Variants in TASP1 observed in about 807,000 individuals in gnomAD.
TASP1 encodes the protein taspase 1, also known as threonine aspartase 1.
In TASP1, 16 loss-of-function variants were observed where a neutral mutation model predicts 56.6. The ratio of observed to expected loss-of-function variants is 0.28; its 90% CI spans 0.19 to 0.43. The LOEUF is 0.43. Among genes scored for constraint, TASP1 ranks in the 20% least tolerant of loss-of-function variants. The probability of loss-of-function intolerance (pLI) is 1.00; values close to 1 mark genes in which losing one functional copy is unlikely to be tolerated. For missense variants in TASP1, 393 were observed against 511.6 expected (o/e 0.77, Z 2.24); for synonymous variants, 179 against 184.2 (o/e 0.97, Z 0.23).
chr20:13,279,859 G>A, the TASP1 span: 1 of 1,613,942 alleles, frequency 6.2e-7, no homozygotes, highest in South Asian at 1.1e-5. Flanking sequence ...TACAGCCCCA[G>A]GCCACCGGAC....
chr20:13,538,770 G>A (rs192082373), intron 8 of TASP1, among the ~76,000 whole-genome samples: 68 of 152,166 alleles, frequency 4.5e-4, no homozygotes, highest in African/African-American at 1.5e-3. Flanking sequence ...AGGCCGGGCT[G>A]GGTGGCTCAC....
chr20:13,562,891 T>A (rs1568585897), intron 7 of TASP1, among the ~76,000 whole-genome samples: 1 of 141,866 alleles, frequency 7.0e-6, no homozygotes, highest in Non-Finnish European at 1.5e-5. Context: ...AAAAAAAAAA[T>A]TATATCTCTA....
the TASP1 span, among the ~76,000 whole-genome samples, chr20:13,214,341 TC>T: frequency 6.6e-6 from 1 of 152,154 alleles, no homozygotes; most frequent in Non-Finnish European, 1.5e-5. Context: ...TTCTCTGGTT[TC>T]AGCTGTGTTC....
intron 12 of TASP1, among the ~76,000 whole-genome samples, chr20:13,428,039 C>T (rs1437701108): frequency 6.6e-6 from 1 of 152,166 alleles, no homozygotes; most frequent in East Asian, 1.9e-4. Flanking sequence ...CCAACACAAG[C>T]TTGGCACAAA....
chr20:13,178,069 A>C, the TASP1 span, among the ~76,000 whole-genome samples: 2 of 152,104 alleles, frequency 1.3e-5, no homozygotes, highest in Non-Finnish European at 2.9e-5. Context: ...ACAACAACAA[A>C]AACAATGTAA....
rs914701165 is a variant in TASP1 at position 13,389,921 on chromosome 20, A to C, written c.*439T>G. The C allele has an allele frequency of 6.1e-6, 1 of 163,868 alleles. No individual in the cohort carries two copies. The highest frequency in any genetic ancestry group is 1.3e-5 in the Non-Finnish European group (1 of 74,548). The allele number at this position is 163,868 out of a possible 1,614,324, so 10.2% of individuals were successfully genotyped here. ...AGCACTACCACTGTCAAGTCATTTA[A>C]ACAAGTAGATTTACTCTTCAGTTCT... On this transcript the variant is annotated 3_prime_UTR_variant, in exon 14 of 14. Coordinates refer to ENST00000337743, the MANE Select transcript of TASP1 (RefSeq NM_017714.3).
the TASP1 span, among the ~76,000 whole-genome samples, chr20:13,370,810 T>C: frequency 6.6e-6 from 1 of 152,186 alleles, no homozygotes; most frequent in African/African-American, 2.4e-5. Context: ...GCTTTCTTCC[T>C]GGGAGATTTT....
the TASP1 span, among the ~76,000 whole-genome samples, chr20:13,177,022 T>C: frequency 1.3e-5 from 2 of 152,070 alleles, no homozygotes; most frequent in African/African-American, 2.4e-5. Flanking sequence ...GGTGAATCAC[T>C]TGAGGTCAGG....
the TASP1 span, among the ~76,000 whole-genome samples, chr20:13,319,809 T>A: frequency 6.6e-6 from 1 of 152,208 alleles, no homozygotes; most frequent in Admixed American, 6.5e-5. Context: ...TCCCTGGGCC[T>A]GCAGCAGCAT....
At chr20:13,373,044 G>C in the TASP1 span, among the ~76,000 whole-genome samples, 1 of 151,996 alleles carries the variant, frequency 6.6e-6, no homozygotes, top group African/African-American at 2.4e-5. Flanking sequence ...AGATAACAAA[G>C]AAGAGTAGGT....
the TASP1 span, among the ~76,000 whole-genome samples, chr20:13,122,956 C>T: frequency 4.2e-4 from 64 of 152,290 alleles, no homozygotes; most frequent in African/African-American, 1.5e-3. Context: ...GAAACAGAGA[C>T]ACTCCAAGAA....
At chr20:13,126,802 C>A in the TASP1 span, 1 of 1,515,778 alleles carries the variant, frequency 6.6e-7, no homozygotes, top group Non-Finnish European at 8.9e-7. Context: ...CAAATACACA[C>A]CTTTATCTTA....
the TASP1 span, among the ~76,000 whole-genome samples, chr20:13,239,958 C>T: frequency 1.3e-5 from 2 of 152,166 alleles, no homozygotes; most frequent in Non-Finnish European, 2.9e-5. Flanking sequence ...AGTAAGTGTA[C>T]ATCTAAAGTG....
intron 11 of TASP1, among the ~76,000 whole-genome samples, chr20:13,462,873 A>G (rs2044106960): frequency 6.6e-6 from 1 of 152,148 alleles, no homozygotes; most frequent in Non-Finnish European, 1.5e-5. Context: ...AAAATAAATT[A>G]AAGGTACAAA....
chr20:13,629,874 CA>C, intron 2 of TASP1, 59 bp downstream of exon 2: 1 of 1,606,618 alleles, frequency 6.2e-7, no homozygotes. Flanking sequence ...CAGTGTACTT[CA>C]AGGCAGAAAA....
At chr20:13,192,681 G>A in the TASP1 span, among the ~76,000 whole-genome samples, 1 of 151,572 alleles carries the variant, frequency 6.6e-6, no homozygotes, top group Non-Finnish European at 1.5e-5. Flanking sequence ...CTACAGGCAC[G>A]CACCACCACG....
At chr20:13,259,260 G>A in the TASP1 span, among the ~76,000 whole-genome samples, 196 of 148,770 alleles carry the variant, frequency 1.3e-3, no homozygotes, top group Non-Finnish European at 2.4e-3. Flanking sequence ...CAGCCTGGGC[G>A]ACAGAGTGAG....
At chr20:13,251,889 G>A in the TASP1 span, among the ~76,000 whole-genome samples, 1 of 152,156 alleles carries the variant, frequency 6.6e-6, no homozygotes, top group Non-Finnish European at 1.5e-5. Flanking sequence ...TTAAAAATGG[G>A]TTTGGCTCTA....
At chr20:13,340,449 A>G in the TASP1 span, among the ~76,000 whole-genome samples, 1 of 151,890 alleles carries the variant, frequency 6.6e-6, no homozygotes. Context: ...TATCTAACAA[A>G]AACTCCATCA....
Sources: gnomAD v4.1 joint callset for allele counts (sites outside exome capture counted in the v4.1 genomes callset) on GRCh38, gnomAD v4.1.1 for gene constraint, MANE v1.5 for transcripts, NCBI Gene and HGNC (gene_info 2026-07-23, HGNC 2026-07-21) for gene names.